The following STON2 variants were observed in gnomAD, a reference collection of about 807,000 sequenced individuals.
The protein encoded by STON2 is stonin-2.
A neutral mutation model predicts 65.7 loss-of-function variants in STON2; 29 were observed. The observed-to-expected ratio is 0.44, with a 90% confidence interval of 0.33 to 0.60. STON2 has a LOEUF of 0.60. Ranked by LOEUF, STON2 falls within the 20% of genes least tolerant of loss-of-function variation. STON2 has a pLI of 0.03. For missense variants in STON2, 1,054 were observed against 1,118.1 expected (o/e 0.94, Z 0.82); for synonymous variants, 404 against 414.2 (o/e 0.98, Z 0.30).
chr14:81,292,251 G>T (rs1343775438), intron 5 of STON2, among the ~76,000 whole-genome samples: 1 of 152,188 alleles, frequency 6.6e-6, no homozygotes, highest in Non-Finnish European at 1.5e-5. Context: ...CCAGGGCCAA[G>T]GATCATGTTA....
chr14:81,262,924 T>C lies in STON2; in HGVS notation c.*5490A>G, dbSNP rs1006460199. 4.1e-6 allele frequency: 4 copies of C among 985,344 alleles called. No individual in the cohort carries two copies. The highest frequency in any genetic ancestry group is 3.5e-5 in the African/African-American group (2 of 57,246). 61.0% of individuals were successfully genotyped at this position (985,344 alleles called of 1,614,324 possible). Reference sequence around the variant, plus strand: ...GTCATGATATCTAAAGCCAGTCTCATTTAAACAAGATAAGAAATGGTTTGT... The same window carrying C: ...GTCATGATATCTAAAGCCAGTCTCACTTAAACAAGATAAGAAATGGTTTGT... On this transcript the variant is annotated 3_prime_UTR_variant, in exon 8 of 8. Transcript: ENST00000614646.
intron 4 of STON2, among the ~76,000 whole-genome samples, chr14:81,350,089 G>A (rs538596716): frequency 4.6e-5 from 7 of 152,220 alleles, no homozygotes; most frequent in African/African-American, 1.4e-4. Context: ...TATGCAGAGA[G>A]GTTGGTTAAT....
At chr14:81,333,459 C>T (rs1441570042) in intron 4 of STON2, 6 of 278,392 alleles carry the variant, frequency 2.2e-5, no homozygotes, top group Non-Finnish European at 4.1e-5. Flanking sequence ...GAAATCGTTA[C>T]TGTTATGGCT....
chr14:81,380,145 CA>C (rs1474646904), intron 3 of STON2, among the ~76,000 whole-genome samples: 1 of 151,888 alleles, frequency 6.6e-6, no homozygotes, highest in Non-Finnish European at 1.5e-5. Context: ...AATCAACAAG[CA>C]AAAAACAAAC....
chr14:81,269,974 A>C (rs745442868), intron 7 of STON2: 61 of 985,136 alleles, frequency 6.2e-5, no homozygotes, highest in Admixed American at 3.7e-4. Flanking sequence ...CACTTCATCA[A>C]CTCTAACTGA....
rs757427002 is a variant in STON2 at position 81,277,818 on chromosome 14, CTGTG to C, written c.1660_1663del (p.His554AlafsTer4). On this transcript the variant is annotated frameshift_variant, in exon 6 of 8. Coordinates refer to ENST00000614646, the MANE Select transcript of STON2 (RefSeq NM_001394390.1). LOFTEE classifies it high-confidence loss of function. ...ATAGGTGACACGGTCTATCCGCAAGCTGTGGATTCTGCCATTCTCATCATAGTTT... is the reference window on the plus strand; with the variant it reads ...ATAGGTGACACGGTCTATCCGCAAGCGATTCTGCCATTCTCATCATAGTTT... 6.2e-7 allele frequency: 1 copy of C among 1,614,198 alleles called. No homozygotes were observed.
chr14:81,429,615 TG>T (rs1902141776), intron 1 of STON2, among the ~76,000 whole-genome samples: 1 of 152,180 alleles, frequency 6.6e-6, no homozygotes, highest in Admixed American at 6.5e-5. Context: ...AATAGTCCGA[TG>T]GCAGTCAAGA....
chr14:81,417,888 A>G (rs902043857), intron 2 of STON2, among the ~76,000 whole-genome samples: 1 of 152,090 alleles, frequency 6.6e-6, no homozygotes, highest in African/African-American at 2.4e-5. Flanking sequence ...AGATAGAAAA[A>G]CCAGAGGGCT....
chr14:81,430,230 T>C (rs986090615), intron 1 of STON2, among the ~76,000 whole-genome samples: 16 of 152,214 alleles, frequency 1.1e-4, no homozygotes, highest in African/African-American at 3.6e-4. Flanking sequence ...ACTGGATTAT[T>C]TGCCTACTGT....
intron 4 of STON2, among the ~76,000 whole-genome samples, chr14:81,324,782 C>T (rs1406343566): frequency 6.6e-6 from 1 of 152,172 alleles, no homozygotes; most frequent in Non-Finnish European, 1.5e-5. Context: ...TATTTGATAG[C>T]CTGACCTCTG....
intron 3 of STON2, among the ~76,000 whole-genome samples, chr14:81,374,467 C>G (rs1359852788): frequency 1.3e-5 from 2 of 151,872 alleles, no homozygotes; most frequent in Admixed American, 6.6e-5. Flanking sequence ...GAACAAGAAC[C>G]AGCAAAGTGT....
At chr14:81,397,642 C>G (rs1900391852) in intron 2 of STON2, among the ~76,000 whole-genome samples, 1 of 152,170 alleles carries the variant, frequency 6.6e-6, no homozygotes, top group Non-Finnish European at 1.5e-5. Context: ...AGAACCAACT[C>G]ACATGTCTCT....
intron 5 of STON2, among the ~76,000 whole-genome samples, chr14:81,291,863 A>ACG (rs1201183029): frequency 1.3e-5 from 1 of 74,760 alleles, no homozygotes; most frequent in Non-Finnish European, 2.6e-5. Context: ...ATGGGTACAC[A>ACG]CACACACACA....
chr14:81,397,646 T>A (rs537876554), intron 2 of STON2, among the ~76,000 whole-genome samples: 19 of 152,314 alleles, frequency 1.2e-4, no homozygotes, highest in African/African-American at 3.8e-4. Context: ...CCAACTCACA[T>A]GTCTCTGCAA....
At chr14:81,319,086 C>T (rs1896731392) in intron 5 of STON2, among the ~76,000 whole-genome samples, 1 of 152,162 alleles carries the variant, frequency 6.6e-6, no homozygotes, top group African/African-American at 2.4e-5. Flanking sequence ...TATAAAGCTA[C>T]CCGCCTCTAG....
At chr14:81,309,589 T>G (rs145618003) in intron 5 of STON2, among the ~76,000 whole-genome samples, 55 of 152,336 alleles carry the variant, frequency 3.6e-4, no homozygotes, top group African/African-American at 1.3e-3. Context: ...AGCTAGAGCA[T>G]GAGGTTTCAC....
At chr14:81,436,177 T>G (rs1300532711) in intron 1 of STON2, 4 of 151,556 alleles carry the variant, frequency 2.6e-5, no homozygotes, top group African/African-American at 9.7e-5. Flanking sequence ...CCAGGCAGGC[T>G]CGGGGGCGCC....
intron 2 of STON2, among the ~76,000 whole-genome samples, chr14:81,405,460 G>GTTTTTTTTTTTTTTTTTTTTTTTT (rs376505307): frequency 1.6e-5 from 1 of 63,310 alleles, no homozygotes; most frequent in African/African-American, 5.1e-5. Context: ...AGTTACTATT[G>GTTTTTTTTTTTTTTTTTTTTTTTT]TTTTTTTTTT....
At chr14:81,407,651 G>A (rs1900935573) in intron 2 of STON2, among the ~76,000 whole-genome samples, 1 of 152,178 alleles carries the variant, frequency 6.6e-6, no homozygotes, top group South Asian at 2.1e-4. Flanking sequence ...AGATCCTGGT[G>A]TCCATTCCAA....
Sources: allele counts gnomAD v4.1 joint callset (sites outside exome capture counted in the v4.1 genomes callset), GRCh38; gene constraint gnomAD v4.1.1; transcripts MANE v1.5; gene names NCBI Gene and HGNC (gene_info 2026-07-23, HGNC 2026-07-21).